Variants in BBS7 observed in about 807,000 individuals in gnomAD.
BBS7 encodes Bardet-Biedl syndrome 7.
A neutral mutation model predicts 90.3 loss-of-function variants in BBS7; 50 were observed. The observed-to-expected ratio is 0.55, with a 90% confidence interval of 0.44 to 0.70. The LOEUF (loss-of-function observed/expected upper bound fraction) is 0.70. Among genes scored for constraint, BBS7 ranks in the 30% least tolerant of loss-of-function variants. BBS7 has a pLI of 0.00. For missense variants in BBS7, 729 were observed against 838.9 expected (o/e 0.87, Z 1.62); for synonymous variants, 235 against 287.4 (o/e 0.82, Z 1.85).
chr4:121,838,403 C>T (rs1386090171), intron 13 of BBS7, among the ~76,000 whole-genome samples: 5 of 147,072 alleles, frequency 3.4e-5, no homozygotes, highest in African/African-American at 1.2e-4. Flanking sequence ...AAAACATCAG[C>T]AACACCAGGA....
chr4:121,863,167 TG>T (rs1160307361), intron 3 of BBS7, 49 bp downstream of exon 3: 1 of 1,540,378 alleles, frequency 6.5e-7, no homozygotes, highest in African/African-American at 1.4e-5. Context: ...CAATAAATAG[TG>T]CATTCTCTTT....
chr4:121,830,674 G>C (rs1288313701), intron 15 of BBS7, among the ~76,000 whole-genome samples: 2 of 152,158 alleles, frequency 1.3e-5, no homozygotes, highest in African/African-American at 4.8e-5. Context: ...CAACCAGCTA[G>C]GGTCACACAG....
intron 1 of BBS7, among the ~76,000 whole-genome samples, chr4:121,869,974 GGGA>G (rs1283914299): frequency 2.0e-5 from 3 of 152,220 alleles, no homozygotes; most frequent in Admixed American, 6.5e-5. Flanking sequence ...GCCACGGCTA[GGGA>G]GGAGGAGAAG....
intron 9 of BBS7, among the ~76,000 whole-genome samples, chr4:121,848,509 A>G (rs1726134573): frequency 6.6e-6 from 1 of 152,228 alleles, no homozygotes; most frequent in Non-Finnish European, 1.5e-5. Context: ...ACCTCACTTT[A>G]TTTAATAAGG....
At chr4:121,863,948 T>TACC (rs1727123737) in intron 2 of BBS7, among the ~76,000 whole-genome samples, 1 of 152,198 alleles carries the variant, frequency 6.6e-6, no homozygotes, top group Non-Finnish European at 1.5e-5. Flanking sequence ...GCCTGCTGGG[T>TACC]ACCAGGCCAC....
chr4:121,836,982 T>TA (rs1725491631), intron 13 of BBS7, among the ~76,000 whole-genome samples: 1 of 151,330 alleles, frequency 6.6e-6, no homozygotes, highest in South Asian at 2.1e-4. Context: ...TTTTTTGAGA[T>TA]AGAGTCTCAC....
chr4:121,861,427 G>A (rs1211928375), intron 4 of BBS7, 77 bp downstream of exon 4: 2 of 1,325,274 alleles, frequency 1.5e-6, no homozygotes, highest in Non-Finnish European at 2.1e-6. Context: ...ATTAAGATAT[G>A]ATACTTAGTT....
chr4:121,833,926 C>CAGTATAGTGTGAAGGCAAGT (rs1244624655), intron 14 of BBS7, among the ~76,000 whole-genome samples: 1 of 151,918 alleles, frequency 6.6e-6, no homozygotes, highest in Non-Finnish European at 1.5e-5. Flanking sequence ...GGGAAATAAT[C>CAGTATAGTGTGAAGGCAAGT]AGTATAGTGT....
chr4:121,859,683 C>G (rs62322628), intron 4 of BBS7, among the ~76,000 whole-genome samples: 2 of 151,834 alleles, frequency 1.3e-5, no homozygotes, highest in African/African-American at 4.8e-5. Flanking sequence ...GTTTTTTGCT[C>G]GAGTTAGCTT....
intron 12 of BBS7, among the ~76,000 whole-genome samples, chr4:121,842,452 T>C (rs1725793367): frequency 4.7e-5 from 7 of 149,548 alleles, no homozygotes; most frequent in South Asian, 2.1e-4. Flanking sequence ...CTGGGCAACA[T>C]AGGAAGACCC....
rs1441487372 is a variant in BBS7, at chr4:121,834,469, T to C, written c.1511+675A>G. On this transcript the variant is annotated intron_variant, in intron 14 of 18. Transcript: ENST00000264499. ...AAATTATAGGCAGCAATATAAAGAA[T>C]ATGGGTTTTGGCTTCAATTCATAGC... Among the ~76,000 whole-genome samples the C allele has an allele frequency of 2.6e-5, 4 of 152,342 alleles. No individual in the cohort carries two copies. The East Asian group carries it at 5.8e-4, about 22-fold the overall frequency.
intron 2 of BBS7, among the ~76,000 whole-genome samples, chr4:121,863,493 T>C (rs1024616579): frequency 1.3e-5 from 2 of 152,136 alleles, no homozygotes; most frequent in Middle Eastern, 3.2e-3. Context: ...TGGCCATAGA[T>C]TTTGTTCCTA....
intron 15 of BBS7, among the ~76,000 whole-genome samples, chr4:121,829,607 TCAGTTTCAG>T (rs1487300344): frequency 6.6e-6 from 1 of 152,158 alleles, no homozygotes; most frequent in Non-Finnish European, 1.5e-5. Flanking sequence ...CTTGCCCTCT[TCAGTTTCAG>T]TGGCAATGGT....
intron 2 of BBS7, among the ~76,000 whole-genome samples, chr4:121,863,703 A>C (rs1463384841): frequency 6.6e-6 from 1 of 152,208 alleles, no homozygotes; most frequent in African/African-American, 2.4e-5. Flanking sequence ...CAGATTATCA[A>C]ATAAAGTTGT....
intron 10 of BBS7, among the ~76,000 whole-genome samples, chr4:121,847,006 C>G (rs1303152760): frequency 6.6e-6 from 1 of 151,982 alleles, no homozygotes; most frequent in Non-Finnish European, 1.5e-5. Flanking sequence ...ATTTACAAGC[C>G]AACATTACAG....
In BBS7 at chr4:121,848,915, C is replaced by T. The variant is rs750276510; in HGVS notation, c.863G>A (p.Ser288Asn). 1.1e-4 allele frequency: 170 copies of T among 1,613,686 alleles called. No individual in the cohort carries two copies. The highest frequency in any genetic ancestry group is 1.4e-4 in the Non-Finnish European group (168 of 1,179,936). The change falls in exon 9 of 19, where the codon AGC becomes AAC. Residue 288 changes from serine (S) to asparagine (N), a missense_variant. By Grantham distance (46) the Ser-to-Asn change is conservative. Coordinates refer to ENST00000264499, the MANE Select transcript of BBS7 (RefSeq NM_176824.3). Reference sequence around the variant, plus strand: ...ACAACCACCCTGGATAGATGTGACGCTTTCAGACAACATCTAAAAAAGTTT... The same window carrying T: ...ACAACCACCCTGGATAGATGTGACGTTTTCAGACAACATCTAAAAAAGTTT... ...VLRFDQMLSE[S>N]VTSIQGGCVG...
intron 13 of BBS7, among the ~76,000 whole-genome samples, chr4:121,835,965 G>T (rs1051186253): frequency 6.6e-6 from 1 of 151,974 alleles, no homozygotes; most frequent in African/African-American, 2.4e-5. Flanking sequence ...GTCTCTCTAC[G>T]TACATGTACA....
At chr4:121,836,882 T>A (rs988349258) in intron 13 of BBS7, among the ~76,000 whole-genome samples, 1 of 152,152 alleles carries the variant, frequency 6.6e-6, no homozygotes, top group African/African-American at 2.4e-5. Flanking sequence ...GTTATTTGAA[T>A]TTGAATTTCT....
intron 15 of BBS7, among the ~76,000 whole-genome samples, chr4:121,832,750 T>G (rs1386776468): frequency 2.0e-5 from 3 of 152,218 alleles, no homozygotes; most frequent in African/African-American, 7.2e-5. Flanking sequence ...ACTGGAGTTT[T>G]TATTGGAATT....
Sources: allele counts gnomAD v4.1 joint callset (sites outside exome capture counted in the v4.1 genomes callset), GRCh38; gene constraint gnomAD v4.1.1; transcripts MANE v1.5; gene names NCBI Gene and HGNC (gene_info 2026-07-23, HGNC 2026-07-21).